The following ACOT7 variants were observed in gnomAD, a reference collection of about 807,000 sequenced individuals.
ACOT7 encodes acyl-CoA thioesterase 7, also known as cytosolic acyl coenzyme A thioester hydrolase.
A neutral mutation model predicts 40.2 loss-of-function variants in ACOT7; 12 were observed. The observed-to-expected ratio is 0.30, with a 90% CI of 0.19 to 0.48. The LOEUF is 0.48. Among genes scored for constraint, ACOT7 ranks in the 20% least tolerant of loss-of-function variants. The pLI, the probability that ACOT7 is intolerant of heterozygous loss-of-function variation, is 0.99. For synonymous variants in ACOT7, 228 were observed against 219.5 expected (o/e 1.04, Z -0.34); for missense variants, 395 against 530.8 (o/e 0.74, Z 2.51).
intron 5 of ACOT7, among the ~76,000 whole-genome samples, chr1:6,320,648 T>C (rs1236145005): frequency 6.6e-6 from 1 of 152,172 alleles, no homozygotes; most frequent in Non-Finnish European, 1.5e-5. Context: ...ACTCTAGACA[T>C]GGTATTTTCA....
chr1:6,266,488 G>A (rs1455212751), intron 8 of ACOT7, among the ~76,000 whole-genome samples: 1 of 152,262 alleles, frequency 6.6e-6, no homozygotes, highest in Non-Finnish European at 1.5e-5. Flanking sequence ...CTGATCCAGT[G>A]GGTCTGGGAG....
In ACOT7 at chr1:6,355,200, G is replaced by A. The variant is rs1386346611; in HGVS notation, c.144-5334C>T. Among the ~76,000 whole-genome samples, 1 of 152,112 alleles carries A rather than the reference G, an allele frequency of 6.6e-6. No homozygotes were observed. Among genetic ancestry groups the A allele is most frequent in the Non-Finnish European group, 1.5e-5 (1 of 68,020 alleles). On this transcript the variant is annotated intron_variant, in intron 1 of 8. Transcript: ENST00000361521. This position sits in a 1 kb window ranked among gnomAD's most constrained non-coding sequence, Gnocchi z 5.0. ...GGGAACCATTCACAAATAGGGGAGT[G>A]TAAGCGAATACCCACTCACAGAGGG...
At chr1:6,360,986 A>C (rs959491128) in intron 1 of ACOT7, among the ~76,000 whole-genome samples, 2 of 152,226 alleles carry the variant, frequency 1.3e-5, no homozygotes, top group African/African-American at 4.8e-5. Flanking sequence ...GCTATTTCCC[A>C]TCTAGTAAAT....
chr1:6,306,944 T>C lies in ACOT7; in HGVS notation c.712+11548A>G. 1 of 1,286,006 alleles carries C rather than the reference T, an allele frequency of 7.8e-7. No homozygotes were observed. Among genetic ancestry groups the C allele is most frequent in the Non-Finnish European group, 1.0e-6 (1 of 986,646 alleles). 79.7% of individuals were successfully genotyped at this position (1,286,006 alleles called of 1,614,324 possible). On this transcript the variant is annotated intron_variant, in intron 6 of 8. Transcript: ENST00000361521. The surrounding 1 kb of genome is among the most constrained non-coding windows in gnomAD (Gnocchi z 4.3). The stretch of plus-strand genomic sequence containing the variant: ...CAAGAAGACCAAGTGAACAAGAGCG[T>C]CTTGGTGGAGGCCTCACTTGCGTCC...
intron 1 of ACOT7, among the ~76,000 whole-genome samples, chr1:6,392,812 G>C (rs1362528320): frequency 6.6e-6 from 1 of 152,138 alleles, no homozygotes; most frequent in African/African-American, 2.4e-5. Flanking sequence ...TTTGGTTAGC[G>C]CAGCACAACC....
chr1:6,298,432 G>A (rs1639873891), intron 6 of ACOT7, among the ~76,000 whole-genome samples: 1 of 152,164 alleles, frequency 6.6e-6, no homozygotes, highest in Non-Finnish European at 1.5e-5. Flanking sequence ...ACTGCGCCCA[G>A]GTGCATCTCC....
At chr1:6,279,239 C>T (rs55687307) in intron 8 of ACOT7, among the ~76,000 whole-genome samples, 2,488 of 152,248 alleles carry the variant, frequency 0.016, 26 homozygotes, top group Non-Finnish European at 0.024. Flanking sequence ...GGCTGAGGAA[C>T]GACTGCGGAC....
At chr1:6,268,067 T>C (rs964724091) in intron 8 of ACOT7, among the ~76,000 whole-genome samples, 6 of 152,298 alleles carry the variant, frequency 3.9e-5, no homozygotes, top group East Asian at 3.9e-4. Context: ...AGAAAGTGGA[T>C]TGGCGGTTGC....
At chr1:6,386,939 G>A (rs1642449469) in intron 1 of ACOT7, among the ~76,000 whole-genome samples, 1 of 152,168 alleles carries the variant, frequency 6.6e-6, no homozygotes, top group African/African-American at 2.4e-5. Context: ...TAAATAGCAA[G>A]TGACTTCACG....
chr1:6,350,681 C>T (rs1051097330), intron 1 of ACOT7, among the ~76,000 whole-genome samples: 6 of 152,230 alleles, frequency 3.9e-5, no homozygotes, highest in African/African-American at 9.6e-5. Context: ...TGACAGGCAG[C>T]GGGCACAGGT....
chr1:6,270,860 AG>A (rs1321766787), intron 8 of ACOT7, among the ~76,000 whole-genome samples: 2 of 152,186 alleles, frequency 1.3e-5, no homozygotes, highest in African/African-American at 2.4e-5. Context: ...GCTGCCCCAA[AG>A]GAGGGCCAGA....
chr1:6,325,215 G>T (rs569519303), intron 5 of ACOT7, among the ~76,000 whole-genome samples: 1 of 152,220 alleles, frequency 6.6e-6, no homozygotes, highest in East Asian at 1.9e-4. Context: ...TGGCTAATAC[G>T]GTGAAACCCC....
chr1:6,285,867 G>A (rs562170286), intron 7 of ACOT7, among the ~76,000 whole-genome samples: 1 of 152,214 alleles, frequency 6.6e-6, no homozygotes, highest in Admixed American at 6.5e-5. Flanking sequence ...GGGCAGGAAG[G>A]GGGGTCCGCA....
Position 6,393,377 on chromosome 1 carries a change from T to C in ACOT7, c.23A>G (p.His8Arg). The C allele has an allele frequency of 8.1e-7, 1 of 1,233,484 alleles. No individual in the cohort carries two copies. The highest frequency in any genetic ancestry group is 1.0e-6 in the Non-Finnish European group (1 of 985,968). 76.4% of individuals were successfully genotyped at this position (1,233,484 alleles called of 1,614,324 possible). Residue 8 changes from histidine (H) to arginine (R), a missense_variant, in exon 1 of 9, where the codon CAT becomes CGT. His to Arg is a conservative substitution (Grantham distance 29, BLOSUM62 0). This residue lies in a region of ACOT7 where 86 missense variants were observed against 60.5 expected (regional missense o/e 1.42). Transcript: ENST00000361521. MARPGLI[H>R]SAPGLPDTCA... ...GGTGTCTGGCAGGCCCGGCGCGGAATGAATGAGCCCGGGCCGCGCCATAAA... is the reference window on the plus strand; with the variant it reads ...GGTGTCTGGCAGGCCCGGCGCGGAACGAATGAGCCCGGGCCGCGCCATAAA...
chr1:6,312,764 G>A lies in ACOT7; in HGVS notation c.712+5728C>T, dbSNP rs539076607. On this transcript the variant is annotated intron_variant, in intron 6 of 8. Coordinates refer to ENST00000361521, the MANE Select transcript of ACOT7 (RefSeq NM_007274.4). Reference sequence around the variant, plus strand: ...ACTACAGGCGTGAGCCACCGCACCTGGCCGATGTACTAATTTCATATTGTG... The same window carrying A: ...ACTACAGGCGTGAGCCACCGCACCTAGCCGATGTACTAATTTCATATTGTG... Among the ~76,000 whole-genome samples the A allele has an allele frequency of 1.5e-3, 230 of 152,274 alleles. 2 individuals are homozygous for A. Among genetic ancestry groups the A allele is most frequent in the African/African-American group, 5.5e-3 (227 of 41,542 alleles).
At chr1:6,308,083 A>G (rs1220595405) in intron 6 of ACOT7, among the ~76,000 whole-genome samples, 249 of 114,528 alleles carry the variant, frequency 2.2e-3, no homozygotes, top group Middle Eastern at 8.2e-3. Flanking sequence ...ACAGTGACCA[A>G]AGGGAACTAC....
intron 8 of ACOT7, among the ~76,000 whole-genome samples, chr1:6,268,285 C>G (rs762039121): frequency 6.6e-6 from 1 of 152,210 alleles, no homozygotes; most frequent in Non-Finnish European, 1.5e-5. Flanking sequence ...GTTGAGAGCT[C>G]TCTGTGGTGG....
At chr1:6,344,778 A>G (rs1641373301) in intron 2 of ACOT7, among the ~76,000 whole-genome samples, 1 of 137,436 alleles carries the variant, frequency 7.3e-6, no homozygotes, top group Non-Finnish European at 1.5e-5. Flanking sequence ...AAAAAAAAAA[A>G]AAAAAAAAAA....
chr1:6,318,353 G>C, intron 6 of ACOT7, 139 bp downstream of exon 6: 1 of 906,830 alleles, frequency 1.1e-6, no homozygotes. Context: ...ACTGCACCTG[G>C]CCTATTGTAC....
Sources: allele counts gnomAD v4.1 joint callset (sites outside exome capture counted in the v4.1 genomes callset), GRCh38; gene constraint gnomAD v4.1.1; regional missense constraint gnomAD v4.1.1; non-coding constraint Gnocchi (gnomAD v3.1); transcripts MANE v1.5; gene names NCBI Gene and HGNC (gene_info 2026-07-23, HGNC 2026-07-21).